The following GNS variants were observed in gnomAD, a reference collection of about 807,000 sequenced individuals.
The protein encoded by GNS is N-acetylglucosamine-6-sulfatase.
A neutral mutation model predicts 69.7 loss-of-function variants in GNS; 40 were observed. The ratio of observed to expected loss-of-function variants is 0.57; its 90% CI spans 0.45 to 0.75. The LOEUF is 0.75. GNS is among the 30% of genes least tolerant of loss of function. GNS has a pLI of 0.00. For missense variants in GNS, 565 were observed against 685.5 expected (o/e 0.82, Z 1.96); for synonymous variants, 243 against 251.6 (o/e 0.97, Z 0.32).
In GNS at chr12:64,759,202, C is replaced by G; in HGVS notation, c.75G>C (p.Ala25=). The stretch of plus-strand genomic sequence containing the variant: ...AGCCGCCCAGCACCAGCAGTAGCAG[C>G]GCTGGGCTGCAGGAGGGCAGGTGGC... The part of the protein sequence containing the change: ...SPRHLPSCSP[A]LLLLVLGGCL... The change falls in exon 1 of 14, where the codon GCG becomes GCC. Residue 25 remains alanine (A), a synonymous_variant. Coordinates refer to ENST00000258145, the MANE Select transcript of GNS (RefSeq NM_002076.4). 6.5e-7 allele frequency: 1 copy of G among 1,547,610 alleles called. No individual in the cohort carries two copies. The highest frequency in any genetic ancestry group is 8.7e-7 in the Non-Finnish European group (1 of 1,145,716).
chr12:64,728,067 G>A (rs776026028), intron 10 of GNS, among the ~76,000 whole-genome samples: 1 of 152,096 alleles, frequency 6.6e-6, no homozygotes, highest in African/African-American at 2.4e-5. Flanking sequence ...GGGATTACAG[G>A]TGCCCGCCAC....
Position 64,744,881 on chromosome 12 carries a change from G to A in GNS, c.552C>T (p.Tyr184=), listed in dbSNP as rs375799237. 2.2e-5 allele frequency: 33 copies of A among 1,517,280 alleles called. No homozygotes were observed. The highest frequency in any genetic ancestry group is 2.8e-5 in the Non-Finnish European group (31 of 1,091,680). The allele number at this position is 1,517,280 out of a possible 1,614,324, so 94.0% of individuals were successfully genotyped here. A position where few individuals can be genotyped will look rare whatever the true frequency, so the allele number is the denominator to read the frequency against. ...GTGCCTTCCCATTGATAGACAGGGT[G>A]TAATTATAATACTTAGAATTCTTTT... ...ALEKNSKYYN[Y]TLSINGKARK... Residue 184 remains tyrosine (Y), a synonymous_variant, in exon 5 of 14, where the codon TAC becomes TAT. Coordinates refer to ENST00000258145, the MANE Select transcript of GNS (RefSeq NM_002076.4).
At chr12:64,722,696 CTAATTAAAAAAAAATGG>C (rs773145615) in intron 11 of GNS, 78 of 362,064 alleles carry the variant, frequency 2.2e-4, no homozygotes, top group Non-Finnish European at 3.9e-4. Flanking sequence ...AACATTATCC[CTAATTAAAAAAAAATGG>C]TACTGTTATT....
intron 13 of GNS, among the ~76,000 whole-genome samples, chr12:64,718,450 G>A (rs1202854711): frequency 2.0e-5 from 3 of 152,236 alleles, no homozygotes; most frequent in African/African-American, 7.2e-5. Context: ...CTTATAGGGT[G>A]ACCCTTGGGC....
chr12:64,752,807 G>A (rs1870121167), intron 1 of GNS, 50 bp from the exon 2 acceptor site: 1 of 903,312 alleles, frequency 1.1e-6, no homozygotes, highest in African/African-American at 1.6e-5. Flanking sequence ...AATAAATTGA[G>A]ACACACAGCC....
chr12:64,738,321 G>T (rs1869616231), intron 8 of GNS, among the ~76,000 whole-genome samples: 1 of 152,176 alleles, frequency 6.6e-6, no homozygotes, highest in Non-Finnish European at 1.5e-5. Context: ...TCTGCATCTT[G>T]ATACATAATA....
At chr12:64,747,608 A>AT in intron 3 of GNS, 104 bp downstream of exon 3, 1 of 748,360 alleles carries the variant, frequency 1.3e-6, no homozygotes, top group Non-Finnish European at 2.3e-6. Flanking sequence ...AAAACAACGT[A>AT]TACCAAGAAA....
intron 12 of GNS, 86 bp from the exon 13 acceptor site, chr12:64,720,268 G>T: frequency 1.1e-6 from 1 of 907,296 alleles, no homozygotes. Flanking sequence ...TTCTAAAGGG[G>T]AAGGGAGGAG....
At chr12:64,731,681 T>C (rs1424966307) in intron 9 of GNS, among the ~76,000 whole-genome samples, 1 of 152,244 alleles carries the variant, frequency 6.6e-6, no homozygotes, top group Non-Finnish European at 1.5e-5. Context: ...CTCTGGTTTT[T>C]ATATAACCAA....
rs1011562642 is a variant in GNS at position 64,717,622 on chromosome 12, C to T, written c.1581-803G>A. On this transcript the variant is annotated intron_variant, in intron 13 of 13. Coordinates refer to ENST00000258145, the MANE Select transcript of GNS (RefSeq NM_002076.4). ...ATGTGATCTGCCCGCCTTGGTCTCC[C>T]GAAGTGCTGGGATTACAAATGTGAG... Among the ~76,000 whole-genome samples the T allele has an allele frequency of 2.6e-5, 4 of 151,552 alleles. No homozygotes were observed. In the South Asian group the frequency reaches 6.3e-4, roughly 24 times the overall value.
chr12:64,743,286 A>G lies in GNS; in HGVS notation c.647T>C (p.Leu216Pro). The change falls in exon 6 of 14, where the codon CTG (leucine) becomes CCG (proline). Residue 216 changes from leucine to proline, a missense_variant. By Grantham distance (98) the Leu-to-Pro change is moderately conservative (BLOSUM62 -3). Transcript: ENST00000258145. Reference protein sequence around the residue: ...DVLANVSLDFLDYKSNFEPFF... With the variant: ...DVLANVSLDFPDYKSNFEPFF... The stretch of plus-strand genomic sequence containing the variant: ...GGGCTCAAAGTTGGACTTGTAGTCC[A>G]GAAAGTCCAAGGAGACATTAGCCTG... The G allele has an allele frequency of 6.2e-7, 1 of 1,612,768 alleles. No individual in the cohort carries two copies.
At position 64,747,605 on chromosome 12, in the gene GNS, C is replaced by T. The variant is rs997252911; in HGVS notation, c.459+107G>A. Reference sequence around the variant, plus strand: ...TAATGGGCAGATTCACAGAAAACAACGTATACCAAGAAATCCTTTAACATT... The same window carrying T: ...TAATGGGCAGATTCACAGAAAACAATGTATACCAAGAAATCCTTTAACATT... On this transcript the variant is annotated intron_variant, in intron 3 of 13. Coordinates refer to ENST00000258145, the MANE Select transcript of GNS (RefSeq NM_002076.4). 19 of 735,460 alleles carry T rather than the reference C, an allele frequency of 2.6e-5. 1 individual carries two copies. The highest frequency in any genetic ancestry group is 1.2e-4 in the African/African-American group (7 of 56,724). 45.6% of individuals were successfully genotyped at this position (735,460 alleles called of 1,614,324 possible). A position where few individuals can be genotyped will look rare whatever the true frequency, so the allele number is the denominator to read the frequency against.
chr12:64,757,794 C>T (rs1255999433), intron 1 of GNS, among the ~76,000 whole-genome samples: 1 of 152,172 alleles, frequency 6.6e-6, no homozygotes, highest in Non-Finnish European at 1.5e-5. Context: ...ACTCACTAAA[C>T]TGATTTCATA....
At chr12:64,722,624 C>G (rs141870457) in intron 11 of GNS, among the ~76,000 whole-genome samples, 2 of 152,136 alleles carry the variant, frequency 1.3e-5, no homozygotes, top group Non-Finnish European at 2.9e-5. Context: ...GCCGCCAATG[C>G]GAGGCACTCA....
intron 8 of GNS, among the ~76,000 whole-genome samples, chr12:64,739,104 G>C (rs547442264): frequency 6.6e-6 from 1 of 152,184 alleles, no homozygotes; most frequent in Admixed American, 6.5e-5. Context: ...TATCTCAAAT[G>C]CCTTCCATAC....
intron 1 of GNS, among the ~76,000 whole-genome samples, chr12:64,757,982 G>C (rs533706494): frequency 6.6e-6 from 1 of 152,320 alleles, no homozygotes; most frequent in Non-Finnish European, 1.5e-5. Context: ...AGCGAAGAGA[G>C]GAATGCTGAA....
chr12:64,750,844 C>T (rs1226130791), intron 2 of GNS, among the ~76,000 whole-genome samples: 1 of 151,992 alleles, frequency 6.6e-6, no homozygotes, highest in African/African-American at 2.4e-5. Flanking sequence ...AGTTTGAGTT[C>T]AAGTCTTCAG....
chr12:64,747,539 T>C (rs1261527629), intron 3 of GNS, among the ~76,000 whole-genome samples, 173 bp downstream of exon 3: 4 of 152,232 alleles, frequency 2.6e-5, no homozygotes, highest in African/African-American at 9.7e-5. Flanking sequence ...TATGTACATG[T>C]GTACTTATAT....
At chr12:64,717,518 ATTTT>A (rs57088346) in intron 13 of GNS, among the ~76,000 whole-genome samples, 1 of 131,412 alleles carries the variant, frequency 7.6e-6, no homozygotes, top group African/African-American at 2.9e-5. Flanking sequence ...CACCTGGCTA[ATTTT>A]TTTTTTTTTT....
Sources: allele counts gnomAD v4.1 joint callset (sites outside exome capture counted in the v4.1 genomes callset), GRCh38; gene constraint gnomAD v4.1.1; transcripts MANE v1.5; gene names NCBI Gene and HGNC (gene_info 2026-07-23, HGNC 2026-07-21).